Variants in TMEM132D observed in about 807,000 individuals in gnomAD.
TMEM132D encodes the protein mature OL transmembrane protein.
In TMEM132D, 21 loss-of-function variants were observed where a neutral mutation model predicts 62.3. That is an observed-to-expected ratio of 0.34 (90% CI 0.24 to 0.49). The LOEUF is 0.49. Ranked by LOEUF, TMEM132D falls within the 20% of genes least tolerant of loss-of-function variation. TMEM132D has a pLI of 0.99. For synonymous variants in TMEM132D, 621 were observed against 575.6 expected (o/e 1.08, Z -1.13); for missense variants, 1,346 against 1,402.8 (o/e 0.96, Z 0.65).
intron 3 of TMEM132D, among the ~76,000 whole-genome samples, chr12:129,469,430 G>A (rs1425510089): frequency 6.6e-6 from 1 of 152,180 alleles, no homozygotes; most frequent in Non-Finnish European, 1.5e-5. Flanking sequence ...ATTCTGGAGG[G>A]GGGGCCAGCC....
At chr12:129,566,493 T>C (rs1324645646) in intron 2 of TMEM132D, among the ~76,000 whole-genome samples, 1 of 152,188 alleles carries the variant, frequency 6.6e-6, no homozygotes, top group Non-Finnish European at 1.5e-5. Context: ...CAGGCAGAAA[T>C]GACCAGCATT....
chr12:129,112,149 G>A (rs1044361540), intron 5 of TMEM132D, among the ~76,000 whole-genome samples: 1 of 152,206 alleles, frequency 6.6e-6, no homozygotes, highest in African/African-American at 2.4e-5. Flanking sequence ...AAATCAGCCA[G>A]AGTTGCTCTC....
chr12:129,536,195 A>G (rs1333662886), intron 2 of TMEM132D, among the ~76,000 whole-genome samples: 1 of 152,304 alleles, frequency 6.6e-6, no homozygotes, highest in East Asian at 1.9e-4. Flanking sequence ...TGATATCTCC[A>G]TTTTTGAGTC....
At chr12:129,869,802 A>T (rs1440222235) in intron 1 of TMEM132D, among the ~76,000 whole-genome samples, 1 of 152,174 alleles carries the variant, frequency 6.6e-6, no homozygotes, top group Non-Finnish European at 1.5e-5. Context: ...CGTTCTGCCA[A>T]TGGGTCATTG....
intron 3 of TMEM132D, among the ~76,000 whole-genome samples, chr12:129,412,217 G>A (rs1232798226): frequency 6.6e-6 from 1 of 151,968 alleles, no homozygotes; most frequent in African/African-American, 2.4e-5. Flanking sequence ...ACAATATGAC[G>A]GGATATGATG....
chr12:129,193,568 T>C (rs912884955), intron 5 of TMEM132D, among the ~76,000 whole-genome samples: 1 of 152,216 alleles, frequency 6.6e-6, no homozygotes, highest in Non-Finnish European at 1.5e-5. Flanking sequence ...TTTACTAAAA[T>C]AACCTATTAA....
chr12:129,115,128 T>C (rs1027738929), intron 5 of TMEM132D, among the ~76,000 whole-genome samples: 4 of 152,228 alleles, frequency 2.6e-5, no homozygotes, highest in African/African-American at 9.6e-5. Context: ...CAGAGCATTC[T>C]TTTAAAACAT....
chr12:129,078,482 A>G (rs2135610748), intron 8 of TMEM132D, 52 bp downstream of exon 8: 2 of 1,570,070 alleles, frequency 1.3e-6, no homozygotes, highest in Non-Finnish European at 1.7e-6. Context: ...CTGGTGTGTG[A>G]TCCACTTGGT....
At chr12:129,355,155 C>T (rs569169221) in intron 3 of TMEM132D, among the ~76,000 whole-genome samples, 1 of 152,284 alleles carries the variant, frequency 6.6e-6, no homozygotes, top group South Asian at 2.1e-4. Flanking sequence ...GGAAAGCTTA[C>T]CATTCATTTG....
intron 5 of TMEM132D, among the ~76,000 whole-genome samples, chr12:129,091,238 G>A (rs1444113339): frequency 1.3e-5 from 2 of 150,466 alleles, no homozygotes; most frequent in Non-Finnish European, 3.0e-5. Flanking sequence ...TTGGGCTCTG[G>A]AGACCCTACC....
intron 7 of TMEM132D, 90 bp downstream of exon 7, chr12:129,081,669 C>G: frequency 6.7e-7 from 1 of 1,482,016 alleles, no homozygotes; most frequent in Non-Finnish European, 9.0e-7. Context: ...CCATTCCCAG[C>G]AATGACAAAC....
At chr12:129,269,100 C>T (rs1447788871) in intron 4 of TMEM132D, among the ~76,000 whole-genome samples, 2 of 151,944 alleles carry the variant, frequency 1.3e-5, no homozygotes, top group African/African-American at 4.8e-5. Flanking sequence ...AGCACACCAA[C>T]ATGGCACATG....
intron 4 of TMEM132D, among the ~76,000 whole-genome samples, chr12:129,289,169 G>C (rs1438291805): frequency 6.6e-6 from 1 of 152,124 alleles, no homozygotes; most frequent in East Asian, 1.9e-4. Flanking sequence ...GAATAAATTC[G>C]AGATATCTGT....
chr12:129,304,608 G>A (rs1372288289), intron 4 of TMEM132D, among the ~76,000 whole-genome samples: 2 of 151,168 alleles, frequency 1.3e-5, no homozygotes, highest in African/African-American at 2.4e-5. Context: ...TTTATACGGC[G>A]GCATCTTGCA....
intron 4 of TMEM132D, among the ~76,000 whole-genome samples, chr12:129,278,431 G>A (rs1303696222): frequency 6.6e-6 from 1 of 152,128 alleles, no homozygotes; most frequent in African/African-American, 2.4e-5. Flanking sequence ...GAAGCGACTG[G>A]TTCAGAAAGA....
intron 1 of TMEM132D, among the ~76,000 whole-genome samples, chr12:129,891,465 G>C (rs1476140182): frequency 1.3e-5 from 2 of 152,196 alleles, no homozygotes; most frequent in African/African-American, 4.8e-5. Context: ...AAATGCCGTT[G>C]GGTGCGGCTG....
intron 5 of TMEM132D, among the ~76,000 whole-genome samples, chr12:129,147,493 C>T (rs894018871): frequency 3.3e-5 from 5 of 152,134 alleles, no homozygotes; most frequent in Non-Finnish European, 7.4e-5. Flanking sequence ...TTATTAAATT[C>T]GGTGAACACT....
At chr12:129,181,326 C>T (rs1878059383) in intron 5 of TMEM132D, among the ~76,000 whole-genome samples, 1 of 152,080 alleles carries the variant, frequency 6.6e-6, no homozygotes, top group Non-Finnish European at 1.5e-5. Flanking sequence ...TAAAACACAC[C>T]TCCTTCTCTC....
intron 2 of TMEM132D, among the ~76,000 whole-genome samples, chr12:129,679,500 A>G (rs1268348534): frequency 6.6e-6 from 1 of 152,130 alleles, no homozygotes; most frequent in East Asian, 1.9e-4. Flanking sequence ...CTCCAAGGTC[A>G]GAATGTATTC....
Sources: allele counts gnomAD v4.1 joint callset (sites outside exome capture counted in the v4.1 genomes callset), GRCh38; gene constraint gnomAD v4.1.1; transcripts MANE v1.5; gene names NCBI Gene and HGNC (gene_info 2026-07-23, HGNC 2026-07-21).